GRIA4: variants seen among roughly 807,000 people sequenced by gnomAD.
The protein encoded by GRIA4 is glutamate ionotropic receptor AMPA type subunit 4, also known as glutamate receptor 4.
Under a neutral mutation model 104.0 loss-of-function variants are expected in GRIA4, and 34 were observed. The ratio of observed to expected loss-of-function variants is 0.33; its 90% CI spans 0.25 to 0.44. The LOEUF is 0.44. Among genes scored for constraint, GRIA4 ranks in the 20% least tolerant of loss-of-function variants. The pLI, the probability that GRIA4 is intolerant of heterozygous loss-of-function variation, is 1.00. For missense variants in GRIA4, 750 were observed against 1,096.5 expected (o/e 0.68, Z 4.46); for synonymous variants, 386 against 381.9 (o/e 1.01, Z -0.13).
intron 3 of GRIA4, among the ~76,000 whole-genome samples, chr11:105,654,808 C>T (rs1430303442): frequency 2.0e-5 from 3 of 152,140 alleles, no homozygotes; most frequent in Admixed American, 6.6e-5. Context: ...AGTAGCAAGT[C>T]TTGGTACACA....
chr11:105,666,851 T>G (rs1373653113), intron 3 of GRIA4, among the ~76,000 whole-genome samples: 1 of 151,936 alleles, frequency 6.6e-6, no homozygotes, highest in Non-Finnish European at 1.5e-5. Flanking sequence ...TTTTAATGCT[T>G]GTTTTGGTCA....
intron 14 of GRIA4, chr11:105,966,209 C>T: frequency 3.3e-6 from 2 of 598,310 alleles, no homozygotes; most frequent in Non-Finnish European, 6.1e-6. Context: ...ACTGTCAATG[C>T]AAAAATATTT....
intron 1 of GRIA4, 39 bp from the exon 2 acceptor site, chr11:105,610,869 T>G: frequency 2.1e-6 from 1 of 471,196 alleles, no homozygotes; most frequent in South Asian, 2.7e-5. Flanking sequence ...TTCTTTCTTT[T>G]CTTTTTTTTT....
chr11:105,691,209 T>C lies in GRIA4; in HGVS notation c.248-61772T>C, dbSNP rs76916811. On this transcript the variant is annotated intron_variant, in intron 3 of 16. Transcript: ENST00000282499. ...GTGAAGCAAGTGCAGAAAGCCAGGA[T>C]CCTGTGGCATATACTTCCATAGGTA... is the stretch of plus-strand genomic sequence containing the variant. 4.7e-3 allele frequency among the ~76,000 whole-genome samples: 714 copies of C among 152,268 alleles called. 10 individuals carry two copies. The East Asian group carries it at 0.049, about 10-fold the overall frequency.
At chr11:105,849,294 C>G (rs1012480371) in intron 4 of GRIA4, among the ~76,000 whole-genome samples, 4 of 152,184 alleles carry the variant, frequency 2.6e-5, no homozygotes, top group African/African-American at 9.7e-5. Flanking sequence ...CCAAAGCACA[C>G]AGCTGCAGAC....
intron 3 of GRIA4, among the ~76,000 whole-genome samples, chr11:105,700,427 C>T (rs1387880828): frequency 6.6e-6 from 1 of 152,154 alleles, no homozygotes; most frequent in Non-Finnish European, 1.5e-5. Context: ...ATTAGTAGTT[C>T]CAATCCCATG....
chr11:105,652,463 CTT>C (rs1300993070), intron 3 of GRIA4, among the ~76,000 whole-genome samples: 1 of 152,122 alleles, frequency 6.6e-6, no homozygotes, highest in Non-Finnish European at 1.5e-5. Flanking sequence ...AACTTTGACT[CTT>C]AGGATTTTTT....
intron 5 of GRIA4, among the ~76,000 whole-genome samples, chr11:105,886,426 AT>A (rs1946261389): frequency 6.6e-6 from 1 of 151,934 alleles, no homozygotes; most frequent in African/African-American, 2.4e-5. Flanking sequence ...ATAAAACAGT[AT>A]GTTTTATACA....
rs779280848 is a variant in GRIA4, at chr11:105,612,453, A to G, written c.247+19A>G. The G allele has an allele frequency of 1.1e-5, 17 of 1,608,260 alleles. No homozygotes were observed. The highest frequency in any genetic ancestry group is 1.7e-4 in the Middle Eastern group (1 of 6,034). ...AACGCCTGTAAGTAAAACATAAGCT[A>G]TGAAAAATTAGAAGAGAACTGAAAC... On this transcript the variant is annotated intron_variant, in intron 3 of 16. Transcript: ENST00000282499.
intron 3 of GRIA4, among the ~76,000 whole-genome samples, chr11:105,668,804 C>A (rs1377331798): frequency 6.6e-6 from 1 of 150,940 alleles, no homozygotes. Context: ...GTGCTGAAGT[C>A]TTTTATTTAG....
At chr11:105,881,324 G>A (rs1946050191) in intron 5 of GRIA4, among the ~76,000 whole-genome samples, 1 of 152,146 alleles carries the variant, frequency 6.6e-6, no homozygotes. Context: ...CAGCTCTGTA[G>A]ACCACAGAAA....
At chr11:105,611,811 C>T (rs1950488413) in intron 2 of GRIA4, among the ~76,000 whole-genome samples, 1 of 152,188 alleles carries the variant, frequency 6.6e-6, no homozygotes. Context: ...GTGCATAAAA[C>T]GGAGTTAATT....
chr11:105,683,546 A>T (rs1952776788), intron 3 of GRIA4, among the ~76,000 whole-genome samples: 1 of 152,138 alleles, frequency 6.6e-6, no homozygotes, highest in South Asian at 2.1e-4. Flanking sequence ...TTATGAAGCA[A>T]TTATGAAAGA....
chr11:105,613,150 T>G (rs1173326202), intron 3 of GRIA4: 2 of 152,136 alleles, frequency 1.3e-5, no homozygotes, highest in Non-Finnish European at 2.9e-5. Context: ...TTCCACACAA[T>G]GAAACTAAAC....
intron 4 of GRIA4, among the ~76,000 whole-genome samples, chr11:105,767,300 G>T (rs1431723416): frequency 6.6e-6 from 1 of 152,112 alleles, no homozygotes; most frequent in Non-Finnish European, 1.5e-5. Context: ...TCATGGAGTA[G>T]CTGAATTTTT....
intron 3 of GRIA4, among the ~76,000 whole-genome samples, chr11:105,750,026 C>T (rs1939906305): frequency 1.3e-5 from 2 of 152,018 alleles, no homozygotes; most frequent in Admixed American, 1.3e-4. Flanking sequence ...AGTTTACTTT[C>T]ATTAATTTGT....
chr11:105,631,018 A>G (rs893417107), intron 3 of GRIA4, among the ~76,000 whole-genome samples: 2 of 152,160 alleles, frequency 1.3e-5, no homozygotes, highest in African/African-American at 4.8e-5. Flanking sequence ...CTAAACCCCA[A>G]AGATTCTTTC....
intron 4 of GRIA4, among the ~76,000 whole-genome samples, chr11:105,780,150 TC>T (rs991936926): frequency 7.9e-5 from 12 of 152,194 alleles, no homozygotes; most frequent in African/African-American, 2.9e-4. Flanking sequence ...TAATGCTATT[TC>T]ATTATTTAGA....
intron 4 of GRIA4, among the ~76,000 whole-genome samples, chr11:105,756,624 G>GA (rs199560316): frequency 2.2e-3 from 306 of 140,306 alleles, no homozygotes; most frequent in South Asian, 4.3e-3. Flanking sequence ...TAATAACTCA[G>GA]AAAAAAAAAA....
Sources: gnomAD v4.1 joint callset for allele counts (sites outside exome capture counted in the v4.1 genomes callset) on GRCh38, gnomAD v4.1.1 for gene constraint, MANE v1.5 for transcripts, NCBI Gene and HGNC (gene_info 2026-07-23, HGNC 2026-07-21) for gene names.